Variants in EPHA6 observed in about 807,000 individuals in gnomAD.
EPHA6 encodes ephrin type-A receptor 6.
A neutral mutation model predicts 112.0 loss-of-function variants in EPHA6; 50 were observed. The ratio of observed to expected loss-of-function variants is 0.45; its 90% CI spans 0.36 to 0.56. EPHA6 has a LOEUF of 0.56. Ranked by LOEUF, EPHA6 falls within the 20% of genes least tolerant of loss-of-function variation. EPHA6 has a pLI of 0.00. For missense variants in EPHA6, 1,280 were observed against 1,417.4 expected, an observed-to-expected ratio of 0.90 and a Z score of 1.56; for synonymous variants, 529 against 490.7, an observed-to-expected ratio of 1.08 and a Z score of -1.03.
chr3:97,720,883 C>A (rs1283515424), intron 15 of EPHA6, among the ~76,000 whole-genome samples: 1 of 152,054 alleles, frequency 6.6e-6, no homozygotes, highest in Non-Finnish European at 1.5e-5. Context: ...ATATGCATGA[C>A]CCCTAATGCA....
chr3:96,864,735 CTT>C (rs1016853202), intron 1 of EPHA6, among the ~76,000 whole-genome samples: 1 of 151,768 alleles, frequency 6.6e-6, no homozygotes, highest in African/African-American at 2.4e-5. Context: ...CATGGGGAAA[CTT>C]ATAGATTTAA....
intron 3 of EPHA6, among the ~76,000 whole-genome samples, chr3:97,186,653 C>T (rs997471966): frequency 6.6e-6 from 1 of 152,144 alleles, no homozygotes; most frequent in African/African-American, 2.4e-5. Context: ...CAAAACATTT[C>T]TCAGTGAAAA....
intron 12 of EPHA6, among the ~76,000 whole-genome samples, chr3:97,609,354 T>C (rs1213813461): frequency 1.3e-5 from 2 of 151,372 alleles, no homozygotes; most frequent in African/African-American, 4.8e-5. Context: ...TCTGAAACTA[T>C]AGCCAAATAA....
intron 5 of EPHA6, among the ~76,000 whole-genome samples, chr3:97,275,303 A>G (rs2080032940): frequency 6.6e-6 from 1 of 152,186 alleles, no homozygotes; most frequent in Non-Finnish European, 1.5e-5. Flanking sequence ...GATAAGGATG[A>G]AATTTGGGCT....
Position 97,489,201 on chromosome 3 carries a change from T to C in EPHA6, c.2200+5142T>C, listed in dbSNP as rs915163793. Among the ~76,000 whole-genome samples the C allele has an allele frequency of 3.3e-5, 5 of 152,356 alleles. No homozygotes were observed. The East Asian group carries it at 7.7e-4, about 23-fold the overall frequency. On this transcript the variant is annotated intron_variant, in intron 10 of 17. Coordinates refer to ENST00000389672, the MANE Select transcript of EPHA6 (RefSeq NM_001080448.3). ...TGACTGCTGAGATGAATAACACTTA[T>C]TGCCCAACCCTCAATATACTTTGTG...
At chr3:97,175,492 A>G (rs569881999) in intron 3 of EPHA6, among the ~76,000 whole-genome samples, 38 of 152,064 alleles carry the variant, frequency 2.5e-4, no homozygotes, top group Middle Eastern at 3.4e-3. Flanking sequence ...TAGTATGGAC[A>G]TTTTAACAAT....
intron 2 of EPHA6, among the ~76,000 whole-genome samples, chr3:96,932,621 C>T (rs1408924077): frequency 1.3e-5 from 2 of 152,176 alleles, no homozygotes; most frequent in Admixed American, 1.3e-4. Flanking sequence ...CCAGGTTCAG[C>T]TCCCCACTGC....
intron 9 of EPHA6, among the ~76,000 whole-genome samples, chr3:97,482,743 C>T (rs771795130): frequency 1.3e-5 from 2 of 152,062 alleles, no homozygotes; most frequent in Non-Finnish European, 2.9e-5. Context: ...CAACAGTTAA[C>T]GCTGGGTATT....
intron 5 of EPHA6, among the ~76,000 whole-genome samples, chr3:97,277,264 A>C (rs1164728428): frequency 3.3e-5 from 5 of 151,970 alleles, no homozygotes; most frequent in African/African-American, 9.7e-5. Flanking sequence ...GCCATTTTAT[A>C]AGATTTGGGT....
intron 14 of EPHA6, among the ~76,000 whole-genome samples, chr3:97,675,308 G>A (rs563687862): frequency 3.6e-4 from 55 of 151,966 alleles, no homozygotes; most frequent in Middle Eastern, 3.4e-3. Flanking sequence ...GTGAAACCCC[G>A]TGTCTACTAA....
chr3:97,130,288 A>AT (rs1490455653), intron 3 of EPHA6, among the ~76,000 whole-genome samples: 2 of 150,130 alleles, frequency 1.3e-5, no homozygotes, highest in South Asian at 2.1e-4. Flanking sequence ...CTTTTTCTTC[A>AT]TTTTTTCTCT....
At chr3:97,557,542 ATATG>A (rs1343172549) in intron 11 of EPHA6, among the ~76,000 whole-genome samples, 2 of 151,954 alleles carry the variant, frequency 1.3e-5, no homozygotes, top group African/African-American at 4.8e-5. Context: ...TGTTCCCGAT[ATATG>A]TCTAAGAATA....
intron 9 of EPHA6, among the ~76,000 whole-genome samples, chr3:97,480,037 A>G (rs2091484648): frequency 6.6e-6 from 1 of 152,172 alleles, no homozygotes; most frequent in Non-Finnish European, 1.5e-5. Context: ...CTAATTAACC[A>G]CAGTGTAGAG....
At chr3:97,029,853 A>C (rs954720871) in intron 3 of EPHA6, among the ~76,000 whole-genome samples, 2 of 152,138 alleles carry the variant, frequency 1.3e-5, no homozygotes, top group Non-Finnish European at 2.9e-5. Flanking sequence ...AATGAAACCC[A>C]AAAAATTAAC....
At chr3:97,363,565 C>T (rs1229576485) in intron 5 of EPHA6, among the ~76,000 whole-genome samples, 1 of 151,590 alleles carries the variant, frequency 6.6e-6, no homozygotes, top group Non-Finnish European at 1.5e-5. Context: ...TAAAAAAGAA[C>T]CTCTGAATTA....
At chr3:97,647,679 T>G (rs968859675) in intron 14 of EPHA6, among the ~76,000 whole-genome samples, 2 of 152,148 alleles carry the variant, frequency 1.3e-5, no homozygotes, top group African/African-American at 4.8e-5. Context: ...ACAGTTCACA[T>G]TGTTTCCATC....
At chr3:97,716,324 T>A (rs1162695219) in intron 14 of EPHA6, among the ~76,000 whole-genome samples, 6 of 123,902 alleles carry the variant, frequency 4.8e-5, no homozygotes, top group Non-Finnish European at 7.6e-5. Context: ...ATCCCAGCAC[T>A]TTGGGAGGCC....
rs2035909569 is a variant in EPHA6 at position 97,751,862 on chromosome 3, C to G, written c.*3161C>G. Reference sequence around the variant, plus strand: ...GGGTGTTTTGGATTTTAAAACCAGACAGTTAAAAAATCATTTTCATTTTAT... The same window carrying G: ...GGGTGTTTTGGATTTTAAAACCAGAGAGTTAAAAAATCATTTTCATTTTAT... On this transcript the variant is annotated 3_prime_UTR_variant, in exon 18 of 18. Coordinates refer to ENST00000389672, the MANE Select transcript of EPHA6 (RefSeq NM_001080448.3). Among the ~76,000 whole-genome samples, 1 of 152,004 alleles carries G rather than the reference C, an allele frequency of 6.6e-6. No individual in the cohort carries two copies. The highest frequency in any genetic ancestry group is 2.4e-5 in the African/African-American group (1 of 41,402).
At chr3:97,312,975 G>C (rs139413992) in intron 5 of EPHA6, among the ~76,000 whole-genome samples, 6 of 151,128 alleles carry the variant, frequency 4.0e-5, no homozygotes. Context: ...TATTAACTGT[G>C]GTCACTATGC....
Sources: gnomAD v4.1 joint callset for allele counts (sites outside exome capture counted in the v4.1 genomes callset) on GRCh38, gnomAD v4.1.1 for gene constraint, MANE v1.5 for transcripts, NCBI Gene and HGNC (gene_info 2026-07-23, HGNC 2026-07-21) for gene names.